The following C9 variants were observed in gnomAD, a reference collection of about 807,000 sequenced individuals.
The protein encoded by C9 is complement component C9.
C9 carries 63 observed loss-of-function variants against 65.4 expected under a neutral mutation model. The observed-to-expected ratio is 0.96, with a 90% CI of 0.79 to 1.19. The LOEUF is 1.19. Ranked by LOEUF, C9 falls within the 50% of genes most tolerant of loss-of-function variation. The pLI is 0.00. For missense variants in C9, 744 were observed against 670.1 expected (o/e 1.11, Z -1.22); for synonymous variants, 229 against 227.9 (o/e 1.00, Z -0.04).
At chr5:39,347,680 A>G (rs1754233814) in intron 1 of C9, among the ~76,000 whole-genome samples, 1 of 152,224 alleles carries the variant, frequency 6.6e-6, no homozygotes, top group South Asian at 2.1e-4. Flanking sequence ...TTTAAAGTTC[A>G]TATGGAACCA....
intron 5 of C9, among the ~76,000 whole-genome samples, chr5:39,318,948 CTG>C (rs1195713156): frequency 6.6e-6 from 1 of 152,174 alleles, no homozygotes; most frequent in Non-Finnish European, 1.5e-5. Context: ...CTCTCCCTAA[CTG>C]TGTGTCAGCC....
chr5:39,318,615 T>A (rs377171958), intron 5 of C9, among the ~76,000 whole-genome samples: 22 of 152,118 alleles, frequency 1.4e-4, no homozygotes, highest in East Asian at 9.6e-4. Context: ...AGAGACTTGT[T>A]ATATAAGTGG....
rs371310402 is a variant in C9, at chr5:39,320,030, G to T, written c.616-4001C>A. On this transcript the variant is annotated intron_variant, in intron 5 of 10. Coordinates refer to ENST00000263408, the MANE Select transcript of C9 (RefSeq NM_001737.5). ...TGATTAATGAAGGGTTATCCCTGCT[G>T]CAGTTAGTCTTTAAGGAATGGAATA... is the stretch of plus-strand genomic sequence containing the variant. 2.6e-5 allele frequency among the ~76,000 whole-genome samples: 4 copies of T among 152,212 alleles called. No homozygotes were observed. The South Asian group carries it at 8.3e-4, about 32-fold the overall frequency.
chr5:39,356,025 G>T (rs1478716957), intron 1 of C9, among the ~76,000 whole-genome samples: 1 of 152,170 alleles, frequency 6.6e-6, no homozygotes, highest in Non-Finnish European at 1.5e-5. Flanking sequence ...AATGGTGGTA[G>T]TAGTGGCAGA....
chr5:39,309,709 C>G (rs1280334405), intron 7 of C9, among the ~76,000 whole-genome samples: 1 of 152,088 alleles, frequency 6.6e-6, no homozygotes, highest in Non-Finnish European at 1.5e-5. Flanking sequence ...TGGCTTGGTT[C>G]TCAGATATTG....
At chr5:39,332,895 T>A (rs1753869940) in intron 4 of C9, among the ~76,000 whole-genome samples, 1 of 152,212 alleles carries the variant, frequency 6.6e-6, no homozygotes, top group African/African-American at 2.4e-5. Context: ...AAATAGCACA[T>A]TTTACATAAA....
intron 4 of C9, among the ~76,000 whole-genome samples, chr5:39,333,749 T>C (rs1484296180): frequency 6.6e-6 from 1 of 152,118 alleles, no homozygotes; most frequent in Non-Finnish European, 1.5e-5. Flanking sequence ...GTGCCTGCGA[T>C]TGCAGGCGCG....
intron 10 of C9, among the ~76,000 whole-genome samples, chr5:39,287,814 G>A (rs1241350247): frequency 3.3e-5 from 5 of 151,804 alleles, no homozygotes; most frequent in African/African-American, 4.8e-5. Flanking sequence ...TAGACAGTGG[G>A]GACTCCAAAA....
At chr5:39,289,236 T>C (rs1561330472) in intron 9 of C9, among the ~76,000 whole-genome samples, 1 of 151,562 alleles carries the variant, frequency 6.6e-6, no homozygotes, top group African/African-American at 2.4e-5. Context: ...AAAACAGGTA[T>C]ATGTGCTTTA....
At chr5:39,334,879 G>T (rs1300177254) in intron 4 of C9, among the ~76,000 whole-genome samples, 1 of 152,214 alleles carries the variant, frequency 6.6e-6, no homozygotes, top group African/African-American at 2.4e-5. Context: ...ATAGAAAAAG[G>T]GGAAAGGTGG....
chr5:39,313,229 T>C (rs1483635834), intron 6 of C9, among the ~76,000 whole-genome samples: 1 of 152,146 alleles, frequency 6.6e-6, no homozygotes, highest in Non-Finnish European at 1.5e-5. Context: ...ATTTATTCAG[T>C]TTTCTATACT....
rs765979000 is a variant in C9 at position 39,331,783 on chromosome 5, T to A, written c.508A>T (p.Thr170Ser). 3.8e-5 allele frequency: 62 copies of A among 1,613,198 alleles called. No homozygotes were observed. In the East Asian group the frequency reaches 1.4e-3, roughly 35 times the overall value. The change falls in exon 5 of 11, where the codon ACA (threonine) becomes TCA (serine). Residue 170 changes from threonine (T) to serine (S), a missense_variant. Coordinates refer to ENST00000263408, the MANE Select transcript of C9 (RefSeq NM_001737.5). ...TTGTAGAACTCATTGTCAAAAGGTG[T>A]GCTTAGGGGATCCATCCCTAAAATG... ...INILGMDPLS[T>S]PFDNEFYNGL...
intron 9 of C9, among the ~76,000 whole-genome samples, chr5:39,290,928 G>T (rs973553703): frequency 3.3e-5 from 5 of 151,916 alleles, no homozygotes; most frequent in African/African-American, 1.2e-4. Flanking sequence ...AATAATCTTG[G>T]ATCATTAGTG....
intron 9 of C9, among the ~76,000 whole-genome samples, chr5:39,289,918 G>A (rs916658817): frequency 6.6e-6 from 1 of 151,840 alleles, no homozygotes. Flanking sequence ...TAGCAACATG[G>A]AGGGACATGA....
chr5:39,354,575 AC>A (rs1754382783), intron 1 of C9, among the ~76,000 whole-genome samples: 1 of 152,130 alleles, frequency 6.6e-6, no homozygotes, highest in South Asian at 2.1e-4. Context: ...GATTGAAACC[AC>A]CATAGACCTA....
intron 1 of C9, among the ~76,000 whole-genome samples, chr5:39,353,842 A>G (rs1754367999): frequency 6.6e-6 from 1 of 152,170 alleles, no homozygotes; most frequent in African/African-American, 2.4e-5. Context: ...GAAACATAAT[A>G]GGTACTCAGG....
chr5:39,329,685 A>C (rs1179789107), intron 5 of C9, among the ~76,000 whole-genome samples: 1 of 152,242 alleles, frequency 6.6e-6, no homozygotes, highest in African/African-American at 2.4e-5. Context: ...CTAAGGCAAG[A>C]GTTAAAAAAT....
chr5:39,321,383 G>A (rs968067784), intron 5 of C9, among the ~76,000 whole-genome samples: 7 of 151,944 alleles, frequency 4.6e-5, no homozygotes, highest in African/African-American at 1.7e-4. Context: ...AAGCTGCATG[G>A]TAACTCATGA....
intron 1 of C9, among the ~76,000 whole-genome samples, chr5:39,347,226 C>A (rs1343246884): frequency 6.6e-6 from 1 of 152,156 alleles, no homozygotes; most frequent in Admixed American, 6.5e-5. Context: ...AAGAGGAAGT[C>A]AAATTGTCCC....
Sources: gnomAD v4.1 joint callset for allele counts (sites outside exome capture counted in the v4.1 genomes callset) on GRCh38, gnomAD v4.1.1 for gene constraint, MANE v1.5 for transcripts, NCBI Gene and HGNC (gene_info 2026-07-23, HGNC 2026-07-21) for gene names.